Variants in CTNNA3 observed in about 807,000 individuals in gnomAD.
The protein encoded by CTNNA3 is catenin alpha-3.
A neutral mutation model predicts 95.7 loss-of-function variants in CTNNA3; 76 were observed. That is an observed-to-expected ratio of 0.79 (90% CI 0.66 to 0.96). The LOEUF is 0.96. CTNNA3 is among the 40% of genes least tolerant of loss of function. The pLI is 0.00. For missense variants in CTNNA3, 1,191 were observed against 1,089.8 expected, an observed-to-expected ratio of 1.09 and a Z score of -1.31; for synonymous variants, 431 against 374.4, an observed-to-expected ratio of 1.15 and a Z score of -1.74.
At chr10:67,746,991 A>C (rs1208755615) in intron 1 of CTNNA3, among the ~76,000 whole-genome samples, 1 of 152,176 alleles carries the variant, frequency 6.6e-6, no homozygotes, top group Non-Finnish European at 1.5e-5. Flanking sequence ...TCCCCACAGT[A>C]CAGCACACCA....
chr10:66,979,076 T>G (rs1031784535), intron 7 of CTNNA3, among the ~76,000 whole-genome samples: 1 of 149,816 alleles, frequency 6.7e-6, no homozygotes, highest in Non-Finnish European at 1.5e-5. Context: ...GAGATTCTCC[T>G]GCCTCAGCCT....
chr10:67,728,045 ATTATAT>A (rs1841251915), intron 1 of CTNNA3, among the ~76,000 whole-genome samples: 1 of 140,852 alleles, frequency 7.1e-6, no homozygotes, highest in Non-Finnish European at 1.5e-5. Context: ...TATAATTATA[ATTATAT>A]ATAATTATAT....
intron 5 of CTNNA3, among the ~76,000 whole-genome samples, chr10:67,388,056 T>G (rs1277990564): frequency 6.6e-6 from 1 of 151,290 alleles, no homozygotes; most frequent in South Asian, 2.1e-4. Context: ...CAAAGCTGGA[T>G]GGAGAATGAC....
intron 13 of CTNNA3, among the ~76,000 whole-genome samples, chr10:66,254,031 G>A (rs2090661921): frequency 1.3e-5 from 2 of 152,178 alleles, no homozygotes; most frequent in Admixed American, 1.3e-4. Flanking sequence ...TCTTGGAAGA[G>A]GATGTGGAGC....
chr10:67,107,309 T>C (rs1247503736), intron 7 of CTNNA3, among the ~76,000 whole-genome samples: 1 of 152,206 alleles, frequency 6.6e-6, no homozygotes, highest in African/African-American at 2.4e-5. Context: ...TTTTCTGAAC[T>C]CTAATTCTCT....
At chr10:66,707,278 C>A (rs961812701) in intron 9 of CTNNA3, among the ~76,000 whole-genome samples, 1 of 151,992 alleles carries the variant, frequency 6.6e-6, no homozygotes, top group Non-Finnish European at 1.5e-5. Flanking sequence ...TTAGCCTACA[C>A]CCACTTTGTG....
intron 13 of CTNNA3, among the ~76,000 whole-genome samples, chr10:66,261,560 A>C (rs2091003653): frequency 6.6e-6 from 1 of 152,030 alleles, no homozygotes; most frequent in Non-Finnish European, 1.5e-5. Context: ...AGGCATTCTC[A>C]GGGGTTAACA....
intron 5 of CTNNA3, among the ~76,000 whole-genome samples, chr10:67,456,549 G>A (rs1486219202): frequency 6.6e-6 from 1 of 152,106 alleles, no homozygotes; most frequent in African/African-American, 2.4e-5. Flanking sequence ...ATTTATTTGA[G>A]CCATCTGATT....
chr10:66,784,811 A>C (rs1840677380), intron 7 of CTNNA3, among the ~76,000 whole-genome samples: 1 of 152,178 alleles, frequency 6.6e-6, no homozygotes, highest in Non-Finnish European at 1.5e-5. Context: ...TTATATAAAG[A>C]ATCTGGAATT....
At chr10:67,376,317 T>C (rs1313383009) in intron 5 of CTNNA3, among the ~76,000 whole-genome samples, 1 of 152,164 alleles carries the variant, frequency 6.6e-6, no homozygotes, top group Admixed American at 6.5e-5. Flanking sequence ...GCTGGACTAG[T>C]AAACACTTAG....
At chr10:67,358,301 T>A (rs1842885406) in intron 5 of CTNNA3, among the ~76,000 whole-genome samples, 2 of 152,054 alleles carry the variant, frequency 1.3e-5, no homozygotes, top group Admixed American at 1.3e-4. Context: ...ATTTTGCTTC[T>A]CAAAAGACAC....
At chr10:67,545,329 T>A (rs1052736017) in intron 3 of CTNNA3, among the ~76,000 whole-genome samples, 6 of 152,134 alleles carry the variant, frequency 3.9e-5, no homozygotes, top group Non-Finnish European at 8.8e-5. Context: ...CTCAGCAACA[T>A]ATTAATGGTA....
At chr10:66,686,165 A>G (rs1302657628) in intron 9 of CTNNA3, among the ~76,000 whole-genome samples, 1 of 152,160 alleles carries the variant, frequency 6.6e-6, no homozygotes, top group East Asian at 1.9e-4. Context: ...TGGCATCCTC[A>G]GTATTTGTTT....
intron 15 of CTNNA3, among the ~76,000 whole-genome samples, chr10:66,057,707 T>C (rs1169506187): frequency 2.6e-5 from 4 of 152,018 alleles, no homozygotes; most frequent in East Asian, 3.9e-4. Flanking sequence ...CACTATCCAA[T>C]AGGAAAAAAA....
intron 7 of CTNNA3, among the ~76,000 whole-genome samples, chr10:66,998,604 C>T (rs948477928): frequency 2.6e-5 from 4 of 151,896 alleles, no homozygotes; most frequent in African/African-American, 9.7e-5. Context: ...GCAAAAAAGG[C>T]ACATTGGAAA....
chr10:66,430,956 G>A (rs1050105297), intron 11 of CTNNA3, among the ~76,000 whole-genome samples: 3 of 152,082 alleles, frequency 2.0e-5, no homozygotes, highest in African/African-American at 7.2e-5. Flanking sequence ...TACCGTCAGA[G>A]TGAACAGGCA....
At position 67,521,946 on chromosome 10, in the gene CTNNA3, C is replaced by G. The variant is rs756135810; in HGVS notation, c.475G>C (p.Glu159Gln). Residue 159 changes from glutamate (E) to glutamine (Q), a missense_variant, in exon 5 of 18, where the codon GAG becomes CAG. By Grantham distance (29) the Glu-to-Gln change is conservative. Transcript: ENST00000433211. ...QHVSAFQRTF[E>Q]SLKNVANKSD... is the part of the protein sequence containing the mutation. ...TTGTTGGCAACATTTTTGAGAGACT[C>G]AAATGTCCTTTGAAACTGAAATTGA... 1.1e-5 allele frequency: 17 copies of G among 1,611,348 alleles called. 1 individual carries two copies. The highest frequency in any genetic ancestry group is 1.4e-5 in the Non-Finnish European group (17 of 1,178,486).
chr10:67,496,203 T>C (rs569928252), intron 5 of CTNNA3, among the ~76,000 whole-genome samples: 1 of 152,312 alleles, frequency 6.6e-6, no homozygotes, highest in Non-Finnish European at 1.5e-5. Context: ...ATGATATCCA[T>C]GCATAAAGAA....
chr10:66,051,352 A>G (rs73308187), intron 15 of CTNNA3, among the ~76,000 whole-genome samples: 3,464 of 152,302 alleles, frequency 0.023, 135 homozygotes, highest in African/African-American at 0.08. Context: ...GAATGAACAA[A>G]TAAGTGAATG....
Sources: allele counts gnomAD v4.1 joint callset (sites outside exome capture counted in the v4.1 genomes callset), GRCh38; gene constraint gnomAD v4.1.1; transcripts MANE v1.5; gene names NCBI Gene and HGNC (gene_info 2026-07-23, HGNC 2026-07-21).